The following DNAJC13 variants were observed in gnomAD, a reference collection of about 807,000 sequenced individuals.
The protein encoded by DNAJC13 is DnaJ heat shock protein family (Hsp40) member C13.
Under a neutral mutation model 290.5 loss-of-function variants are expected in DNAJC13, and 75 were observed. The ratio of observed to expected loss-of-function variants is 0.26; its 90% CI spans 0.21 to 0.31. DNAJC13 has a LOEUF of 0.31. Ranked by LOEUF, DNAJC13 falls within the 10% of genes least tolerant of loss-of-function variation. The probability of loss-of-function intolerance (pLI) is 1.00; values close to 1 mark genes in which losing one functional copy is unlikely to be tolerated. For missense variants in DNAJC13, 2,260 were observed against 2,674.5 expected (o/e 0.85, Z 3.42); for synonymous variants, 862 against 892.0 (o/e 0.97, Z 0.60).
intron 4 of DNAJC13, 91 bp from the exon 5 acceptor site, chr3:132,447,807 C>CA (rs1933300518): frequency 3.0e-6 from 3 of 997,058 alleles, no homozygotes; most frequent in Non-Finnish European, 4.6e-6. Flanking sequence ...GTTACCAAGT[C>CA]AGGATTTTAC....
At chr3:132,467,764 C>T (rs968330508) in intron 20 of DNAJC13, among the ~76,000 whole-genome samples, 18 of 152,080 alleles carry the variant, frequency 1.2e-4, no homozygotes, top group Admixed American at 3.3e-4. Flanking sequence ...CGCACCCGGC[C>T]GAATGGTACC....
intron 33 of DNAJC13, among the ~76,000 whole-genome samples, chr3:132,493,844 TA>T (rs901136330): frequency 2.0e-5 from 3 of 151,248 alleles, no homozygotes; most frequent in South Asian, 2.1e-4. Flanking sequence ...AGATAACATG[TA>T]AAAAAAAATA....
intron 1 of DNAJC13, among the ~76,000 whole-genome samples, chr3:132,417,987 GC>G (rs1446114148): frequency 6.6e-6 from 1 of 152,102 alleles, no homozygotes. Flanking sequence ...GCCCTGTCCA[GC>G]CCCACCCCTT....
chr3:132,469,064 A>G (rs967279358), intron 20 of DNAJC13, among the ~76,000 whole-genome samples: 3 of 152,202 alleles, frequency 2.0e-5, no homozygotes, highest in Non-Finnish European at 4.4e-5. Context: ...TATCATTTAC[A>G]TGGGGTATTA....
chr3:132,433,889 AG>A (rs1348516353), intron 1 of DNAJC13, among the ~76,000 whole-genome samples: 4 of 152,192 alleles, frequency 2.6e-5, no homozygotes, highest in African/African-American at 9.7e-5. Flanking sequence ...TATGATAAAG[AG>A]TTGAATAGAC....
At position 132,454,122 on chromosome 3, in the gene DNAJC13, A is replaced by C; in HGVS notation, c.897A>C (p.Ile299=). Residue 299 remains isoleucine (I), a synonymous_variant, in exon 9 of 56, where the codon ATA becomes ATC. Transcript: ENST00000260818. ...CACAACTTTTTACCATTGAATTTAT[A>C]AAAGGGCAAGTACGGAAATATTCTT... ...ENPQLFTIEF[I]KGQVRKYSST... is the part of the protein sequence containing the mutation. 6.2e-7 allele frequency: 1 copy of C among 1,608,534 alleles called. No homozygotes were observed.
At chr3:132,469,963 C>CTTTTTTTTTTTTTTT (rs61726289) in intron 20 of DNAJC13, among the ~76,000 whole-genome samples, 8 of 61,156 alleles carry the variant, frequency 1.3e-4, no homozygotes, top group Admixed American at 2.0e-4. Context: ...AGCAGAGATT[C>CTTTTTTTTTTTTTTT]TTTTTTTTTT....
rs779198660 is a variant in DNAJC13 at position 132,531,077 on chromosome 3, A to G, written c.6605A>G (p.Gln2202Arg). ...CATGATTTGTTCATTTCTGAGTCACAAACAGCAGGATACCTCACAGGTAAG... is the reference window on the plus strand; with the variant it reads ...CATGATTTGTTCATTTCTGAGTCACGAACAGCAGGATACCTCACAGGTAAG... The part of the protein sequence containing the change: ...QKHDLFISES[Q>R]TAGYLTGPGV... Residue 2202 changes from glutamine (Q) to arginine (R), a missense_variant, in exon 55 of 56, where the codon CAA (glutamine) becomes CGA (arginine). Physicochemically the swap from Gln to Arg is conservative, Grantham distance 43. Coordinates refer to ENST00000260818, the MANE Select transcript of DNAJC13 (RefSeq NM_015268.4). 2 of 1,613,982 alleles carry G rather than the reference A, an allele frequency of 1.2e-6. No homozygotes were observed. The highest frequency in any genetic ancestry group is 1.7e-6 in the Non-Finnish European group (2 of 1,179,964).
chr3:132,523,067 C>T, intron 49 of DNAJC13, 70 bp downstream of exon 49: 3 of 1,598,066 alleles, frequency 1.9e-6, no homozygotes, highest in Non-Finnish European at 2.6e-6. Context: ...ACATTTCTTA[C>T]TGTGCCCATC....
Position 132,461,175 on chromosome 3 carries a change from C to G in DNAJC13, c.1683C>G (p.Ser561=). The change falls in exon 15 of 56, where the codon TCC becomes TCG. Residue 561 remains serine, a synonymous_variant. Coordinates refer to ENST00000260818, the MANE Select transcript of DNAJC13 (RefSeq NM_015268.4). ...QFDMLLEMVA[S]NGRTLFKLFQ... is the part of the protein sequence containing the mutation. ...ATATGCTCTTGGAGATGGTAGCATC[C>G]AATGGAAGAACCCTTTTTAAACTTT... 6.2e-7 allele frequency: 1 copy of G among 1,613,978 alleles called. No homozygotes were observed. The highest frequency in any genetic ancestry group is 8.5e-7 in the Non-Finnish European group (1 of 1,179,940).
chr3:132,537,108 G>A (rs1405468166), intron 55 of DNAJC13: 1 of 456,170 alleles, frequency 2.2e-6, no homozygotes, highest in East Asian at 6.9e-5. Context: ...TCTGCTGTTT[G>A]CACTTCCTCA....
At chr3:132,464,695 A>G (rs1933917624) in intron 17 of DNAJC13, among the ~76,000 whole-genome samples, 1 of 152,160 alleles carries the variant, frequency 6.6e-6, no homozygotes, top group Non-Finnish European at 1.5e-5. Flanking sequence ...GATAAAGATA[A>G]TAAGGATGTT....
intron 48 of DNAJC13, among the ~76,000 whole-genome samples, chr3:132,520,894 G>C (rs1936068266): frequency 6.6e-6 from 1 of 152,106 alleles, no homozygotes. Context: ...TTAAAATTTA[G>C]TTTACTTGCC....
chr3:132,510,588 GT>G (rs1935746764), intron 43 of DNAJC13, among the ~76,000 whole-genome samples: 2 of 152,054 alleles, frequency 1.3e-5, no homozygotes, highest in Non-Finnish European at 2.9e-5. Flanking sequence ...GTGAGGCTTT[GT>G]TTTAGAGTTT....
chr3:132,506,907 C>T (rs1935611286), intron 42 of DNAJC13, among the ~76,000 whole-genome samples: 1 of 152,060 alleles, frequency 6.6e-6, no homozygotes, highest in East Asian at 1.9e-4. Context: ...CTCTGTCATC[C>T]TACGTCTTAC....
Position 132,484,569 on chromosome 3 carries a change from G to T in DNAJC13, c.3183-19G>T, listed in dbSNP as rs763693400. The stretch of plus-strand genomic sequence containing the variant: ...TTTAACAAATATATTAAATGTTGAC[G>T]TGAGAAAATGTTTTCTAGGGATCAA... On this transcript the variant is annotated intron_variant, in intron 28 of 55. Transcript: ENST00000260818. The T allele has an allele frequency of 9.3e-6, 15 of 1,607,176 alleles. No individual in the cohort carries two copies. The highest frequency in any genetic ancestry group is 2.2e-5 in the East Asian group (1 of 44,828).
intron 2 of DNAJC13, among the ~76,000 whole-genome samples, chr3:132,445,033 A>G (rs1933197664): frequency 6.6e-6 from 1 of 152,172 alleles, no homozygotes; most frequent in South Asian, 2.1e-4. Flanking sequence ...TTTTTATAAT[A>G]TACTGATTTT....
intron 1 of DNAJC13, among the ~76,000 whole-genome samples, chr3:132,418,532 A>G (rs1018431878): frequency 1.3e-5 from 2 of 152,022 alleles, no homozygotes; most frequent in Non-Finnish European, 2.9e-5. Context: ...TAGAGGGGGG[A>G]AAAAAGTAAA....
intron 15 of DNAJC13, among the ~76,000 whole-genome samples, chr3:132,461,649 G>C (rs533715105): frequency 1.3e-5 from 2 of 152,138 alleles, no homozygotes; most frequent in South Asian, 2.1e-4. Context: ...CTGCTGTTTT[G>C]ACACTCTGCC....
Sources: allele counts gnomAD v4.1 joint callset (sites outside exome capture counted in the v4.1 genomes callset), GRCh38; gene constraint gnomAD v4.1.1; transcripts MANE v1.5; gene names NCBI Gene and HGNC (gene_info 2026-07-23, HGNC 2026-07-21).